The following SAMD12 variants were observed in gnomAD, a reference collection of about 807,000 sequenced individuals.
SAMD12 encodes sterile alpha motif domain containing 12.
A neutral mutation model predicts 15.0 loss-of-function variants in SAMD12; 9 were observed. The ratio of observed to expected loss-of-function variants is 0.60; its 90% CI spans 0.36 to 1.05. The LOEUF (loss-of-function observed/expected upper bound fraction) is 1.05. Ranked by LOEUF, SAMD12 falls within the 50% of genes least tolerant of loss-of-function variation. The pLI is 0.01. For missense variants in SAMD12, 230 were observed against 234.2 expected (o/e 0.98, Z 0.12); for synonymous variants, 86 against 90.1 (o/e 0.96, Z 0.25).
chr8:118,564,360 C>T (rs1031380468), intron 2 of SAMD12, among the ~76,000 whole-genome samples: 7 of 152,232 alleles, frequency 4.6e-5, no homozygotes, highest in Middle Eastern at 3.4e-3. Flanking sequence ...TGAAAGTAAA[C>T]GGAAGCAGTG....
chr8:118,483,267 G>A lies in SAMD12; in HGVS notation c.193-43306C>T, dbSNP rs4326412. ...AACACAAACCATCAGCAGCATCCTA[G>A]TAATTCACTACACTTGACATTTTAA... On this transcript the variant is annotated intron_variant, in intron 2 of 3. Transcript: ENST00000314727. 7.0e-4 allele frequency among the ~76,000 whole-genome samples: 106 copies of A among 152,308 alleles called. 1 individual carries two copies. Among genetic ancestry groups the A allele is most frequent in the African/African-American group, 2.4e-3 (101 of 41,556 alleles).
intron 4 of SAMD12, among the ~76,000 whole-genome samples, chr8:118,240,656 A>G (rs1029316278): frequency 8.5e-5 from 13 of 152,146 alleles, no homozygotes; most frequent in Admixed American, 6.5e-5. Context: ...AGCTATAATT[A>G]TTGTTATTAT....
intron 2 of SAMD12, among the ~76,000 whole-genome samples, chr8:118,571,712 C>A (rs1827015829): frequency 6.6e-6 from 1 of 152,112 alleles, no homozygotes; most frequent in South Asian, 2.1e-4. Flanking sequence ...TTAGAGCCTG[C>A]CAGTACACAG....
intron 4 of SAMD12, among the ~76,000 whole-genome samples, chr8:118,270,228 G>C (rs1813319864): frequency 6.6e-6 from 1 of 152,118 alleles, no homozygotes; most frequent in Non-Finnish European, 1.5e-5. Context: ...TGAGTTTATG[G>C]ACATTGCAAA....
Position 118,469,508 on chromosome 8 carries a change from T to TA in SAMD12, c.193-29548dup, listed in dbSNP as rs1370269670. Among the ~76,000 whole-genome samples the TA allele has an allele frequency of 2.1e-3, 3 of 1,436 alleles. 1 individual carries two copies. Among genetic ancestry groups the TA allele is most frequent in the African/African-American group, 5.4e-3 (3 of 558 alleles). 0.9% of individuals were successfully genotyped at this position (1,436 alleles called of 152,430 possible). On this transcript the variant is annotated intron_variant, in intron 2 of 3. Coordinates refer to ENST00000314727, the MANE Select transcript of SAMD12 (RefSeq NM_207506.3). ...AATATATTATATATATATTTTTATA[T>TA]AATATATAATATATATAATATATTA...
At chr8:118,492,536 C>T (rs1216159933) in intron 2 of SAMD12, among the ~76,000 whole-genome samples, 2 of 152,126 alleles carry the variant, frequency 1.3e-5, no homozygotes, top group Non-Finnish European at 2.9e-5. Context: ...TTTGCTCATG[C>T]TATCTCCATT....
chr8:118,270,638 T>C (rs1412778063), intron 4 of SAMD12, among the ~76,000 whole-genome samples: 1 of 152,188 alleles, frequency 6.6e-6, no homozygotes, highest in African/African-American at 2.4e-5. Flanking sequence ...TTAGGCTTTT[T>C]AGGGGGAGTT....
chr8:118,550,426 T>A (rs1460498141), intron 2 of SAMD12, among the ~76,000 whole-genome samples: 1 of 152,082 alleles, frequency 6.6e-6, no homozygotes, highest in Non-Finnish European at 1.5e-5. Flanking sequence ...TCCAGCCAAA[T>A]TAAGCTTCAT....
intron 2 of SAMD12, among the ~76,000 whole-genome samples, chr8:118,513,631 C>T (rs542680555): frequency 1.3e-5 from 2 of 152,176 alleles, no homozygotes; most frequent in South Asian, 2.1e-4. Flanking sequence ...AAGAAAATGC[C>T]CCTAAGGCAA....
chr8:118,135,339 G>C, the SAMD12 span, among the ~76,000 whole-genome samples: 1 of 151,944 alleles, frequency 6.6e-6, no homozygotes, highest in Non-Finnish European at 1.5e-5. Context: ...ATATCACCAT[G>C]TCTGGCTAAT....
chr8:118,467,704 CG>C (rs1400836477), intron 2 of SAMD12, among the ~76,000 whole-genome samples: 1 of 152,170 alleles, frequency 6.6e-6, no homozygotes, highest in African/African-American at 2.4e-5. Context: ...ACAGGTCAAA[CG>C]TGCTAGTTAG....
At chr8:118,349,078 G>GC (rs1396565215) in intron 4 of SAMD12, among the ~76,000 whole-genome samples, 6 of 152,108 alleles carry the variant, frequency 3.9e-5, no homozygotes, top group Admixed American at 3.9e-4. Flanking sequence ...CTTGGAGAAA[G>GC]GTACCTCACA....
intron 3 of SAMD12, among the ~76,000 whole-genome samples, chr8:118,417,896 T>A (rs563197227): frequency 6.6e-6 from 1 of 152,316 alleles, no homozygotes; most frequent in African/African-American, 2.4e-5. Context: ...TGTTAAAACA[T>A]ACTTGAGAGG....
chr8:118,379,898 C>A (rs1434427519), intron 3 of SAMD12, among the ~76,000 whole-genome samples, 198 bp from the exon 4 acceptor site: 1 of 152,114 alleles, frequency 6.6e-6, no homozygotes, highest in African/African-American at 2.4e-5. Flanking sequence ...TAAAAGAGAA[C>A]CCTAACTTTT....
At chr8:118,362,178 G>C (rs938054761) in intron 4 of SAMD12, among the ~76,000 whole-genome samples, 1 of 152,018 alleles carries the variant, frequency 6.6e-6, no homozygotes, top group Non-Finnish European at 1.5e-5. Context: ...ACAAAAGGTA[G>C]TGCATATTTA....
chr8:118,552,898 G>C (rs1021404366), intron 2 of SAMD12, among the ~76,000 whole-genome samples: 1 of 151,660 alleles, frequency 6.6e-6, no homozygotes, highest in Non-Finnish European at 1.5e-5. Flanking sequence ...CAGACAAACA[G>C]AGAGCCAAAT....
downstream of SAMD12, among the ~76,000 whole-genome samples, chr8:118,373,468 G>A (rs886648079): frequency 6.6e-6 from 1 of 152,136 alleles, no homozygotes; most frequent in Non-Finnish European, 1.5e-5. Flanking sequence ...TAGCTAGTCC[G>A]TACATATAGT....
chr8:118,515,311 G>A (rs1825211704), intron 2 of SAMD12, among the ~76,000 whole-genome samples: 1 of 147,294 alleles, frequency 6.8e-6, no homozygotes, highest in Non-Finnish European at 1.5e-5. Flanking sequence ...AAAGTTTTTA[G>A]CACCTCCTCC....
intron 2 of SAMD12, among the ~76,000 whole-genome samples, chr8:118,552,465 C>G (rs931669707): frequency 2.3e-4 from 35 of 152,128 alleles, no homozygotes; most frequent in Admixed American, 3.9e-4. Flanking sequence ...AGGCCTTTGA[C>G]AAAATTCAAC....
Sources: gnomAD v4.1 joint callset for allele counts (sites outside exome capture counted in the v4.1 genomes callset) on GRCh38, gnomAD v4.1.1 for gene constraint, MANE v1.5 for transcripts, NCBI Gene and HGNC (gene_info 2026-07-23, HGNC 2026-07-21) for gene names.